Variants in MROH2A observed in about 807,000 individuals in gnomAD.
The protein encoded by MROH2A is maestro heat like repeat family member 2A.
In MROH2A, 174 loss-of-function variants were observed where a neutral mutation model predicts 200.4. That is an observed-to-expected ratio of 0.87 (90% CI 0.77 to 0.98). MROH2A has a LOEUF of 0.98. Among genes scored for constraint, MROH2A ranks in the 50% least tolerant of loss-of-function variants. The pLI is 0.00. For synonymous variants in MROH2A, 829 were observed against 840.4 expected (o/e 0.99, Z 0.23); for missense variants, 2,045 against 2,139.6 (o/e 0.96, Z 0.87).
intron 1 of MROH2A, 121 bp downstream of exon 1, chr2:233,778,602 G>C (rs1302628155): frequency 6.2e-6 from 1 of 161,278 alleles, no homozygotes; most frequent in South Asian, 2.1e-4. Context: ...GGAGGAGAAA[G>C]GATCTGAGAG....
In MROH2A at chr2:233,828,771, C is replaced by T. The variant is rs774801757; in HGVS notation, c.4255C>T (p.Pro1419Ser). 4.5e-6 allele frequency: 7 copies of T among 1,550,120 alleles called. No homozygotes were observed. In the South Asian group the frequency reaches 7.1e-5, roughly 16 times the overall value. Reference protein sequence around the residue: ...RALGNMALGAPKKVKQYRKVL... With the variant: ...RALGNMALGASKKVKQYRKVL... ...CCTCGGCAACATGGCCCTGGGCGCC[C>T]CCAAGAAGGTACTGTGCCTGGCCCT... Residue 1419 changes from proline (P) to serine (S), a missense_variant, in exon 36 of 42, where the codon CCC (proline) becomes TCC (serine). By Grantham distance (74) the Pro-to-Ser change is moderately conservative. This residue lies in a region of MROH2A where 1,201 missense variants were observed against 1,311.3 expected (regional missense o/e 0.92). Coordinates refer to ENST00000389758, the MANE Select transcript of MROH2A (RefSeq NM_001394639.1). The surrounding 1 kb of genome is among the most constrained non-coding windows in gnomAD (Gnocchi z 4.6).
At chr2:233,814,928 C>G (rs1257581377) in intron 26 of MROH2A, among the ~76,000 whole-genome samples, 2 of 152,220 alleles carry the variant, frequency 1.3e-5, no homozygotes, top group Non-Finnish European at 2.9e-5. Context: ...TCCACACACA[C>G]ACATCTTTTG....
intron 31 of MROH2A, among the ~76,000 whole-genome samples, chr2:233,821,080 C>T (rs1190194632): frequency 6.6e-6 from 1 of 152,222 alleles, no homozygotes; most frequent in African/African-American, 2.4e-5. Context: ...TGCTGAATAA[C>T]AAATTATCAC....
intron 6 of MROH2A, 78 bp from the exon 7 acceptor site, chr2:233,793,595 G>A (rs941958744): frequency 2.1e-5 from 27 of 1,294,448 alleles, no homozygotes; most frequent in African/African-American, 1.1e-4. Context: ...ACTTCCACTC[G>A]GGAAGCTGGG....
At chr2:233,825,433 A>G (rs1170343403) in intron 35 of MROH2A, among the ~76,000 whole-genome samples, 2 of 152,186 alleles carry the variant, frequency 1.3e-5, no homozygotes, top group African/African-American at 4.8e-5. Context: ...GCTTTTGCCC[A>G]TTCAGTATGA....
chr2:233,796,890 A>T (rs1292757212), intron 11 of MROH2A, among the ~76,000 whole-genome samples: 1 of 152,230 alleles, frequency 6.6e-6, no homozygotes, highest in East Asian at 1.9e-4. Context: ...AACTGTATGT[A>T]AAGGGCCTTG....
chr2:233,814,081 C>G (rs1276996775), intron 25 of MROH2A, among the ~76,000 whole-genome samples: 2 of 152,210 alleles, frequency 1.3e-5, no homozygotes, highest in Admixed American at 6.5e-5. Flanking sequence ...GTGGAGTCCT[C>G]CTGCCCATCC....
chr2:233,830,828 T>G (rs1704683543), intron 38 of MROH2A, among the ~76,000 whole-genome samples: 1 of 152,144 alleles, frequency 6.6e-6, no homozygotes, highest in Non-Finnish European at 1.5e-5. Flanking sequence ...TCCTTTTCCT[T>G]GCCAGTCCTC....
At chr2:233,803,615 T>C (rs777276118) in intron 16 of MROH2A, 127 bp downstream of exon 16, 12 of 980,654 alleles carry the variant, frequency 1.2e-5, no homozygotes, top group Non-Finnish European at 1.8e-5. Context: ...GGGAGTTTGA[T>C]GCTTGGCAGG....
At chr2:233,787,452 T>C (rs1701266389) in intron 3 of MROH2A, among the ~76,000 whole-genome samples, 1 of 126,456 alleles carries the variant, frequency 7.9e-6, no homozygotes, top group African/African-American at 3.1e-5. Context: ...CATATACATA[T>C]ATATTATATA....
In MROH2A at chr2:233,799,781, T is replaced by C; in HGVS notation, c.1331T>C (p.Val444Ala). The C allele has an allele frequency of 6.5e-7, 1 of 1,550,284 alleles. No homozygotes were observed. The highest frequency in any genetic ancestry group is 8.7e-7 in the Non-Finnish European group (1 of 1,146,908). The change falls in exon 13 of 42, where the codon GTG (valine) becomes GCG (alanine). Residue 444 changes from valine (V) to alanine (A), a missense_variant and splice_region_variant. Physicochemically the swap from Val to Ala is moderately conservative, Grantham distance 64 (BLOSUM62 0). This residue lies in a region of MROH2A where 831 missense variants were observed against 800.0 expected (regional missense o/e 1.04). Coordinates refer to ENST00000389758, the MANE Select transcript of MROH2A (RefSeq NM_001394639.1). ...ATGTCCACGGTCCTGTCCCCTCAGG[T>C]GAGGATGGCTATTCTCCACATCATT... ...KNTISDTRSKVRMAILHIIGQ... is the reference protein window; with the variant it reads ...KNTISDTRSKARMAILHIIGQ...
intron 3 of MROH2A, among the ~76,000 whole-genome samples, chr2:233,789,088 A>C (rs560085498): frequency 2.0e-5 from 3 of 152,114 alleles, no homozygotes; most frequent in South Asian, 4.2e-4. Context: ...AGTGGTGATA[A>C]GCGCTATCAT....
intron 38 of MROH2A, among the ~76,000 whole-genome samples, 163 bp from the exon 39 acceptor site, chr2:233,831,246 A>T (rs751528869): frequency 2.6e-4 from 39 of 152,228 alleles, no homozygotes; most frequent in South Asian, 8.3e-4. Context: ...TCAAGCTGGC[A>T]GGGGCCCAGG....
chr2:233,789,211 A>G (rs1031443894), intron 3 of MROH2A, among the ~76,000 whole-genome samples: 8 of 152,174 alleles, frequency 5.3e-5, no homozygotes, highest in Admixed American at 3.9e-4. Flanking sequence ...CCAATGCCCC[A>G]TGCATAGAGA....
At chr2:233,776,941 G>A (rs1575878933), upstream of MROH2A, among the ~76,000 whole-genome samples, 2 of 152,138 alleles carry the variant, frequency 1.3e-5, 1 homozygote, top group South Asian at 4.1e-4. Flanking sequence ...CAGCTGCTAT[G>A]AGAACAGCCT....
At chr2:233,805,683 C>T (rs1702748411) in intron 19 of MROH2A, among the ~76,000 whole-genome samples, 1 of 152,134 alleles carries the variant, frequency 6.6e-6, no homozygotes, top group African/African-American at 2.4e-5. Flanking sequence ...ACTCCTTACA[C>T]AATTGCAGTA....
chr2:233,818,894 G>A (rs887442193), intron 29 of MROH2A, 124 bp downstream of exon 29: 19 of 637,890 alleles, frequency 3.0e-5, no homozygotes, highest in Admixed American at 8.7e-5. Context: ...CAGCTTCCAC[G>A]GCCTTTGGCC....
intron 6 of MROH2A, among the ~76,000 whole-genome samples, chr2:233,793,208 G>A (rs1701893755): frequency 6.6e-6 from 1 of 152,238 alleles, no homozygotes; most frequent in Non-Finnish European, 1.5e-5. Context: ...AGCATTCACA[G>A]GAGAGGGAGA....
At position 233,779,676 on chromosome 2, in the gene MROH2A, T is replaced by C; in HGVS notation, c.100T>C (p.Phe34Leu). The change falls in exon 3 of 42, where the codon TTT becomes CTT. Residue 34 changes from phenylalanine to leucine, a missense_variant. By Grantham distance (22) the Phe-to-Leu change is conservative. Around this residue, in one of 3 missense-constraint regions of MROH2A, gnomAD observed 831 missense variants for 800.0 expected, o/e 1.04. Transcript: ENST00000389758. ...GGTGGCGTTTGTTTTCATAGGTACC[T>C]TTCAACAAGTCGTGAACCTTCTGGA... ...GPLELHDSGT[F>L]QQVVNLLDII... 1 of 1,551,068 alleles carries C rather than the reference T, an allele frequency of 6.4e-7. No homozygotes were observed. Among genetic ancestry groups the C allele is most frequent in the East Asian group, 2.4e-5 (1 of 40,924 alleles).
Sources: allele counts gnomAD v4.1 joint callset (sites outside exome capture counted in the v4.1 genomes callset), GRCh38; gene constraint gnomAD v4.1.1; regional missense constraint gnomAD v4.1.1; non-coding constraint Gnocchi (gnomAD v3.1); transcripts MANE v1.5; gene names NCBI Gene and HGNC (gene_info 2026-07-23, HGNC 2026-07-21).